BMERB1: variants seen among roughly 807,000 people sequenced by gnomAD.
BMERB1 encodes bMERB domain-containing protein 1.
In BMERB1, 12 loss-of-function variants were observed where a neutral mutation model predicts 23.6. The ratio of observed to expected loss-of-function variants is 0.51; its 90% CI spans 0.33 to 0.82. The LOEUF is 0.82. Among genes scored for constraint, BMERB1 ranks in the 40% least tolerant of loss-of-function variants. The pLI is 0.03. For synonymous variants in BMERB1, 122 were observed against 96.6 expected (o/e 1.26, Z -1.54); for missense variants, 247 against 255.4 (o/e 0.97, Z 0.22).
chr16:15,451,552 C>CTTTTTTTT (rs35544766), intron 1 of BMERB1, among the ~76,000 whole-genome samples: 2 of 84,020 alleles, frequency 2.4e-5, no homozygotes, highest in Non-Finnish European at 4.6e-5. Context: ...CTTAGTATTT[C>CTTTTTTTT]TTTTTTTTTT....
chr16:15,470,683 G>A (rs1197692576), intron 1 of BMERB1, among the ~76,000 whole-genome samples: 3 of 151,576 alleles, frequency 2.0e-5, no homozygotes, highest in Admixed American at 6.6e-5. Context: ...ATGCCACCAC[G>A]CCTGGCTAAT....
At chr16:15,561,256 A>ATT (rs35139646) in intron 2 of BMERB1, among the ~76,000 whole-genome samples, 11,959 of 42,274 alleles carry the variant, frequency 0.28, 3,746 homozygotes, top group Middle Eastern at 0.31. Context: ...CACGCCGGCC[A>ATT]TTTTTTTTTT....
At chr16:15,522,056 G>A (rs758435877) in intron 2 of BMERB1, among the ~76,000 whole-genome samples, 3 of 152,088 alleles carry the variant, frequency 2.0e-5, no homozygotes, top group Non-Finnish European at 2.9e-5. Context: ...CTACCAACCC[G>A]CTCCTGCTGT....
chr16:15,558,056 T>TAAA (rs1567498072), intron 2 of BMERB1, among the ~76,000 whole-genome samples: 6 of 150,434 alleles, frequency 4.0e-5, no homozygotes, highest in African/African-American at 1.5e-4. Flanking sequence ...AAAAAAAAAT[T>TAAA]TTTTTTGACT....
intron 1 of BMERB1, among the ~76,000 whole-genome samples, chr16:15,500,130 A>T (rs564791698): frequency 9.9e-5 from 15 of 152,244 alleles, no homozygotes; most frequent in African/African-American, 3.4e-4. Flanking sequence ...AGTCCCCTCC[A>T]CAGAGATACC....
intron 1 of BMERB1, among the ~76,000 whole-genome samples, chr16:15,436,062 C>T (rs2050885327): frequency 6.6e-6 from 1 of 151,942 alleles, no homozygotes; most frequent in Non-Finnish European, 1.5e-5. Flanking sequence ...TTTAAGTGCA[C>T]ATAGTGGGTG....
At chr16:15,499,009 G>C (rs922477470) in intron 1 of BMERB1, among the ~76,000 whole-genome samples, 1 of 152,244 alleles carries the variant, frequency 6.6e-6, no homozygotes, top group African/African-American at 2.4e-5. Flanking sequence ...TGAGTCTTCA[G>C]ATGTTCTCAG....
intron 2 of BMERB1, chr16:15,533,167 C>T (rs1049373021): frequency 6.3e-6 from 2 of 319,488 alleles, no homozygotes; most frequent in African/African-American, 4.4e-5. Flanking sequence ...CTTTCCTTTA[C>T]CACCAGGAAG....
intron 1 of BMERB1, among the ~76,000 whole-genome samples, chr16:15,450,964 CAA>C (rs1567451011): frequency 6.6e-6 from 1 of 152,032 alleles, no homozygotes; most frequent in Non-Finnish European, 1.5e-5. Flanking sequence ...TTTTCACACA[CAA>C]GAGACAGGAT....
At chr16:15,437,642 G>T (rs1236415303) in intron 1 of BMERB1, among the ~76,000 whole-genome samples, 2 of 152,118 alleles carry the variant, frequency 1.3e-5, no homozygotes, top group Non-Finnish European at 2.9e-5. Context: ...GTACTTCTGG[G>T]TCCTATGCTG....
At chr16:15,523,533 C>T (rs1211606386) in intron 2 of BMERB1, among the ~76,000 whole-genome samples, 1 of 152,154 alleles carries the variant, frequency 6.6e-6, no homozygotes, top group African/African-American at 2.4e-5. Flanking sequence ...TTCCTATCAC[C>T]TCTCTTGCAT....
chr16:15,506,174 T>A (rs2051588695), intron 1 of BMERB1, among the ~76,000 whole-genome samples: 1 of 151,778 alleles, frequency 6.6e-6, no homozygotes, highest in Non-Finnish European at 1.5e-5. Context: ...TCTTTTGTTT[T>A]TCTTTTTTCT....
At chr16:15,457,261 A>G (rs986146446) in intron 1 of BMERB1, among the ~76,000 whole-genome samples, 2 of 152,242 alleles carry the variant, frequency 1.3e-5, no homozygotes, top group East Asian at 1.9e-4. Context: ...AATTAACTTG[A>G]GGAAGAAAGA....
chr16:15,439,480 C>G (rs1266831372), intron 1 of BMERB1, among the ~76,000 whole-genome samples: 1 of 152,148 alleles, frequency 6.6e-6, no homozygotes, highest in Non-Finnish European at 1.5e-5. Context: ...AGAGGTTATC[C>G]CAAACTCACC....
intron 2 of BMERB1, among the ~76,000 whole-genome samples, chr16:15,553,390 G>A (rs998422418): frequency 6.6e-6 from 1 of 152,212 alleles, no homozygotes; most frequent in Non-Finnish European, 1.5e-5. Flanking sequence ...CAGGAGGATT[G>A]CTCTAGCCAG....
intron 1 of BMERB1, among the ~76,000 whole-genome samples, chr16:15,448,981 ACACC>A (rs1457116009): frequency 2.0e-5 from 3 of 152,126 alleles, no homozygotes; most frequent in Non-Finnish European, 4.4e-5. Flanking sequence ...GGTACTTTAC[ACACC>A]TTAAATTTTT....
intron 3 of BMERB1, among the ~76,000 whole-genome samples, chr16:15,578,831 A>T (rs570465070): frequency 3.4e-4 from 52 of 152,274 alleles, no homozygotes; most frequent in African/African-American, 1.2e-3. Flanking sequence ...TCATTTCTTA[A>T]TACTATGACC....
rs576100943 is a variant in BMERB1, at chr16:15,523,092, T to C, written c.230+7664T>C. ...GCCAGAAGGGGATGGAGTGGGAAGGTTTCCCCCTGGAGTCAGGCCGCCCAG... is the reference window on the plus strand; with the variant it reads ...GCCAGAAGGGGATGGAGTGGGAAGGCTTCCCCCTGGAGTCAGGCCGCCCAG... On this transcript the variant is annotated intron_variant, in intron 2 of 5. Transcript: ENST00000300006. Among the ~76,000 whole-genome samples the C allele has an allele frequency of 3.9e-5, 6 of 151,952 alleles. 1 individual carries two copies. In the South Asian group the frequency reaches 1.2e-3, roughly 32 times the overall value.
chr16:15,504,123 T>C (rs1422820267), intron 1 of BMERB1, among the ~76,000 whole-genome samples: 1 of 152,114 alleles, frequency 6.6e-6, no homozygotes. Flanking sequence ...GTGCCCAGAG[T>C]CACTGATGCA....
Sources: gnomAD v4.1 joint callset for allele counts (sites outside exome capture counted in the v4.1 genomes callset) on GRCh38, gnomAD v4.1.1 for gene constraint, MANE v1.5 for transcripts, NCBI Gene and HGNC (gene_info 2026-07-23, HGNC 2026-07-21) for gene names.